Variants in ABCC9 observed in about 807,000 individuals in gnomAD.
ABCC9 encodes ATP-binding cassette sub-family C member 9.
ABCC9 carries 95 observed loss-of-function variants against 188.3 expected under a neutral mutation model. The observed-to-expected ratio is 0.50, with a 90% CI of 0.43 to 0.60. The LOEUF is 0.60. ABCC9 is among the 20% of genes least tolerant of loss of function. ABCC9 has a pLI of 0.00. For synonymous variants in ABCC9, 659 were observed against 652.7 expected (o/e 1.01, Z -0.15); for missense variants, 1,102 against 1,876.3 (o/e 0.59, Z 7.62).
At chr12:21,896,099 ACTTTT>A (rs72211208) in intron 12 of ABCC9, among the ~76,000 whole-genome samples, 84,496 of 127,728 alleles carry the variant, frequency 0.66, 26,164 homozygotes, top group Non-Finnish European at 0.73. Flanking sequence ...TTTTTTTTTT[ACTTTT>A]CTTTTTTTTT....
chr12:21,923,158 A>G (rs1948903868), intron 5 of ABCC9: 2 of 151,512 alleles, frequency 1.3e-5, no homozygotes, highest in African/African-American at 2.4e-5. Context: ...CGTAGTCCTA[A>G]AAATAAAAAT....
intron 39 of ABCC9, 122 bp from the exon 40 acceptor site, chr12:21,801,303 TA>T (rs1941415586): frequency 1.6e-6 from 2 of 1,285,268 alleles, no homozygotes; most frequent in Non-Finnish European, 2.2e-6. Context: ...TGACAAGATG[TA>T]GGGATCACAG....
Position 21,936,459 on chromosome 12 carries a change from A to G in ABCC9, c.142+74T>C, listed in dbSNP as rs73264112. The G allele has an allele frequency of 8.6e-4, 1,157 of 1,342,022 alleles. 10 individuals are homozygous for G. The African/African-American group carries it at 0.015, about 17-fold the overall frequency. The allele number at this position is 1,342,022 out of a possible 1,614,324, so 83.1% of individuals were successfully genotyped here. On this transcript the variant is annotated intron_variant, in intron 3 of 39. Transcript: ENST00000261200. ...TCCATGTTACAGAAATTAAGTCAAC[A>G]TTATCCCAAATCTCAGCCATTAGCG...
At chr12:21,919,388 T>C (rs568004484) in intron 5 of ABCC9, among the ~76,000 whole-genome samples, 98 of 152,022 alleles carry the variant, frequency 6.4e-4, no homozygotes, top group African/African-American at 2.3e-3. Flanking sequence ...TCAGGAAATA[T>C]CATGAATAAC....
At chr12:21,900,988 A>C (rs1947716263) in intron 12 of ABCC9, among the ~76,000 whole-genome samples, 1 of 152,188 alleles carries the variant, frequency 6.6e-6, no homozygotes, top group African/African-American at 2.4e-5. Flanking sequence ...GAGCAACTCC[A>C]AGACACATAA....
At chr12:21,845,034 G>C in intron 26 of ABCC9, 119 bp from the exon 27 acceptor site, 1 of 1,307,872 alleles carries the variant, frequency 7.6e-7, no homozygotes, top group Non-Finnish European at 1.1e-6. Flanking sequence ...CATGCATTTA[G>C]ACGGTTGAAG....
intron 15 of ABCC9, among the ~76,000 whole-genome samples, chr12:21,885,294 C>G (rs1946816956): frequency 6.6e-6 from 1 of 152,172 alleles, no homozygotes; most frequent in Non-Finnish European, 1.5e-5. Flanking sequence ...TTTGGCCCAT[C>G]AGCAGTGATG....
intron 31 of ABCC9, among the ~76,000 whole-genome samples, chr12:21,824,499 G>A (rs1030794479): frequency 2.6e-5 from 4 of 152,132 alleles, no homozygotes; most frequent in Non-Finnish European, 5.9e-5. Flanking sequence ...GATGATGCTG[G>A]CCTCATAAAA....
chr12:21,806,155 G>T, intron 38 of ABCC9, 95 bp from the exon 39 acceptor site: 2 of 1,104,818 alleles, frequency 1.8e-6, no homozygotes, highest in South Asian at 1.3e-5. Context: ...AATCCCTTGT[G>T]AGCATTCTCA....
intron 30 of ABCC9, among the ~76,000 whole-genome samples, chr12:21,836,484 C>T (rs1944102808): frequency 6.6e-6 from 1 of 152,128 alleles, no homozygotes; most frequent in South Asian, 2.1e-4. Flanking sequence ...TATTCTATCT[C>T]CTGTATCTGC....
At chr12:21,815,286 GT>G (rs201636994) in intron 34 of ABCC9, among the ~76,000 whole-genome samples, 10,289 of 132,142 alleles carry the variant, frequency 0.078, 795 homozygotes, top group African/African-American at 0.23. Context: ...TTTCTTCATG[GT>G]TTTTTTTTTT....
intron 4 of ABCC9, among the ~76,000 whole-genome samples, chr12:21,930,830 G>T (rs1016634877): frequency 5.3e-5 from 8 of 152,096 alleles, no homozygotes; most frequent in Non-Finnish European, 1.0e-4. Context: ...CACCTTAAAT[G>T]CAGATTACTA....
chr12:21,807,470 A>G lies in ABCC9; in HGVS notation c.4325T>C (p.Val1442Ala), dbSNP rs763562261. 1 of 1,613,852 alleles carries G rather than the reference A, an allele frequency of 6.2e-7. No individual in the cohort carries two copies. The highest frequency in any genetic ancestry group is 8.5e-7 in the Non-Finnish European group (1 of 1,179,760). ...KSLPGGLDAV[V>A]TEGGENFSVG... ...GCTAAAATTCTCCCCACCTTCAGTG[A>G]CAACCGCATCTAAATCAGAGAAAGA... Residue 1442 changes from valine (V) to alanine (A), a missense_variant, in exon 38 of 40, where the codon GTC (valine) becomes GCC (alanine). Val to Ala is a moderately conservative substitution (Grantham distance 64, BLOSUM62 0). Coordinates refer to ENST00000261200, the MANE Select transcript of ABCC9 (RefSeq NM_020297.4).
intron 30 of ABCC9, among the ~76,000 whole-genome samples, chr12:21,830,765 T>C (rs1407151533): frequency 1.3e-5 from 2 of 152,262 alleles, no homozygotes; most frequent in Non-Finnish European, 1.5e-5. Flanking sequence ...TTACCTCACA[T>C]TGAGTTGAGT....
At position 21,910,249 on chromosome 12, in the gene ABCC9, G is replaced by T; in HGVS notation, c.1228C>A (p.Leu410Met). 1 of 1,610,196 alleles carries T rather than the reference G, an allele frequency of 6.2e-7. No individual in the cohort carries two copies. The highest frequency in any genetic ancestry group is 8.5e-7 in the Non-Finnish European group (1 of 1,178,386). Residue 410 changes from leucine to methionine, a missense_variant, in exon 10 of 40, where the codon CTG becomes ATG. By Grantham distance (15) the Leu-to-Met change is conservative. This residue lies in a region of ABCC9 where 305 missense variants were observed against 573.0 expected (regional missense o/e 0.53). Transcript: ENST00000261200. Reference protein sequence around the residue: ...TSNLSMGEMTLGQINNLVAIE... With the variant: ...TSNLSMGEMTMGQINNLVAIE... ...GCGACTAAGTTGTTGATCTGCCCCA[G>T]AGTCATCTCCCCCATGGATAAGTTA... is the stretch of plus-strand genomic sequence containing the variant.
In ABCC9 at chr12:21,867,855, G is replaced by A. The variant is rs545933191; in HGVS notation, c.2199-3378C>T. Among the ~76,000 whole-genome samples, 19 of 149,262 alleles carry A rather than the reference G, an allele frequency of 1.3e-4. No individual in the cohort carries two copies. The South Asian group carries it at 3.8e-3, about 30-fold the overall frequency. On this transcript the variant is annotated intron_variant, in intron 18 of 39. Transcript: ENST00000261200. ...AAAAAAAAGGAAAACAAAGATAAAT[G>A]ACAAGCTGTTTCTCACATCATTACC...
At position 21,801,074 on chromosome 12, in the gene ABCC9, T is replaced by C. The variant is rs765745602; in HGVS notation, c.4620A>G (p.Val1540=). The change falls in exon 40 of 40, where the codon GTA becomes GTG. Residue 1540 remains valine (V), a synonymous_variant. Coordinates refer to ENST00000261200, the MANE Select transcript of ABCC9 (RefSeq NM_020297.4). Reference sequence around the variant, plus strand: ...TGTCTGCGCGAACAAAAGAAGCAAATACTCCATTTTCCTGAGCCAAGAGGC... The same window carrying C: ...TGTCTGCGCGAACAAAAGAAGCAAACACTCCATTTTCCTGAGCCAAGAGGC... ...PESLLAQENG[V]FASFVRADM 1 of 1,613,982 alleles carries C rather than the reference T, an allele frequency of 6.2e-7. No homozygotes were observed. The highest frequency in any genetic ancestry group is 1.7e-5 in the Admixed American group (1 of 60,016).
intron 30 of ABCC9, among the ~76,000 whole-genome samples, chr12:21,829,306 ATTCTTCTGC>A: frequency 7.6e-6 from 1 of 132,346 alleles, no homozygotes; most frequent in East Asian, 2.5e-4. Flanking sequence ...GGCTCACACC[ATTCTTCTGC>A]CTCAGCCTCC....
intron 5 of ABCC9, chr12:21,925,476 G>A (rs1592249620): frequency 2.8e-6 from 2 of 702,438 alleles, no homozygotes; most frequent in Non-Finnish European, 5.2e-6. Flanking sequence ...CTAGTAAAAT[G>A]TGGCATTCCC....
Sources: allele counts gnomAD v4.1 joint callset (sites outside exome capture counted in the v4.1 genomes callset), GRCh38; gene constraint gnomAD v4.1.1; regional missense constraint gnomAD v4.1.1; transcripts MANE v1.5; gene names NCBI Gene and HGNC (gene_info 2026-07-23, HGNC 2026-07-21).